C3orf49: variants seen among roughly 807,000 people sequenced by gnomAD.
C3orf49 encodes chromosome 3 open reading frame 49, also known as putative uncharacterized protein C3orf49.
In C3orf49, 27 loss-of-function variants were observed where a neutral mutation model predicts 13.3. That is an observed-to-expected ratio of 2.02 (90% CI 1.49 to 2.79). The LOEUF (loss-of-function observed/expected upper bound fraction) is 2.79. Ranked by LOEUF, C3orf49 falls within the 30% of genes most tolerant of loss-of-function variation. C3orf49 has a pLI of 0.00. For missense variants in C3orf49, 242 were observed against 134.2 expected (o/e 1.80, Z -3.97); for synonymous variants, 87 against 47.6 (o/e 1.83, Z -3.40).
chr3:63,836,267 G>T (rs1259810360), intron 5 of C3orf49: 4 of 1,601,748 alleles, frequency 2.5e-6, no homozygotes, highest in Admixed American at 1.7e-5. Context: ...ATGTATAAAG[G>T]TTAGTTCCTT....
intron 5 of C3orf49, among the ~76,000 whole-genome samples, chr3:63,839,050 C>T (rs1005258939): frequency 1.3e-5 from 2 of 152,082 alleles, no homozygotes; most frequent in Non-Finnish European, 2.9e-5. Context: ...ATTAGTCAGT[C>T]ATGGTGTTGC....
At chr3:63,844,164 T>TA (rs1701835856) in intron 5 of C3orf49, among the ~76,000 whole-genome samples, 1 of 151,940 alleles carries the variant, frequency 6.6e-6, no homozygotes, top group African/African-American at 2.4e-5. Flanking sequence ...CTCACAGAAA[T>TA]AGAGAGTATA....
At chr3:63,817,005 C>T (rs1298088777), upstream of C3orf49, among the ~76,000 whole-genome samples, 1 of 151,874 alleles carries the variant, frequency 6.6e-6, no homozygotes, top group Admixed American at 6.6e-5. Flanking sequence ...CGATCTCCTG[C>T]TCTCGTGATC....
intron 6 of C3orf49, among the ~76,000 whole-genome samples, chr3:63,846,460 T>G (rs1365019454): frequency 1.3e-5 from 2 of 152,104 alleles, no homozygotes; most frequent in Admixed American, 1.3e-4. Flanking sequence ...CAGGCTGGAG[T>G]GCAAGGGCGC....
chr3:63,802,892 A>T, the C3orf49 span, among the ~76,000 whole-genome samples: 1 of 152,160 alleles, frequency 6.6e-6, no homozygotes, highest in African/African-American at 2.4e-5. Context: ...ACACACACAC[A>T]TACACAGACA....
chr3:63,805,703 G>A, the C3orf49 span, among the ~76,000 whole-genome samples: 1 of 152,190 alleles, frequency 6.6e-6, no homozygotes, highest in African/African-American at 2.4e-5. Context: ...CTTATAAAAC[G>A]AGCAGTAAGC....
chr3:63,807,108 C>T, the C3orf49 span, among the ~76,000 whole-genome samples: 21 of 152,096 alleles, frequency 1.4e-4, 1 homozygote, highest in South Asian at 4.2e-4. Flanking sequence ...CCCACCACCA[C>T]GCCCGGCTAA....
chr3:63,791,018 C>A, the C3orf49 span, among the ~76,000 whole-genome samples: 1 of 152,120 alleles, frequency 6.6e-6, no homozygotes, highest in Admixed American at 6.6e-5. Context: ...CTTTCATATT[C>A]ATTGAGTGGT....
the C3orf49 span, among the ~76,000 whole-genome samples, chr3:63,783,725 AATT>A: frequency 4.3e-3 from 648 of 150,202 alleles, 2 homozygotes; most frequent in African/African-American, 0.015. Flanking sequence ...CTCAAAAAAA[AATT>A]AAATTAATTA....
the C3orf49 span, among the ~76,000 whole-genome samples, chr3:63,796,085 A>G: frequency 6.3e-3 from 961 of 152,290 alleles, 5 homozygotes; most frequent in Non-Finnish European, 7.7e-3. Context: ...AGTGGTGGGT[A>G]TATGGGTGTT....
chr3:63,805,797 A>C, the C3orf49 span, among the ~76,000 whole-genome samples: 5 of 152,186 alleles, frequency 3.3e-5, no homozygotes, highest in African/African-American at 7.2e-5. Flanking sequence ...AGAGGGAAAT[A>C]GTATCTCTAT....
At chr3:63,823,692 G>C in intron 2 of C3orf49, 123 bp downstream of exon 2, 4 of 607,242 alleles carry the variant, frequency 6.6e-6, no homozygotes, top group Non-Finnish European at 1.2e-5. Flanking sequence ...CAGAATCTCA[G>C]GCCCTACCTG....
In C3orf49 at chr3:63,823,357, A is replaced by T; in HGVS notation, c.233A>T (p.Gln78Leu). 1.4e-6 allele frequency: 1 copy of T among 703,290 alleles called. No individual in the cohort carries two copies. Among genetic ancestry groups the T allele is most frequent in the Non-Finnish European group, 2.6e-6 (1 of 385,070 alleles). 43.6% of individuals were successfully genotyped at this position (703,290 alleles called of 1,614,324 possible). A position where few individuals can be genotyped will look rare whatever the true frequency, so the allele number is the denominator to read the frequency against. The change falls in exon 2 of 7, where the codon CAG becomes CTG. Residue 78 changes from glutamine to leucine, a missense_variant. Transcript: ENST00000295896. ...DMGFHESQQN[Q>L]KSNLKTKVKT... ...GGATTTCATGAAAGCCAGCAAAATC[A>T]GAAAAGTAATTTGAAGACGAAAGTG...
chr3:63,815,596 T>C (rs1333630281), upstream of C3orf49, among the ~76,000 whole-genome samples: 1 of 152,160 alleles, frequency 6.6e-6, no homozygotes, highest in African/African-American at 2.4e-5. Context: ...GTCTTTGAAA[T>C]ACCTCTCCCA....
chr3:63,798,361 T>C, the C3orf49 span, among the ~76,000 whole-genome samples: 3 of 152,178 alleles, frequency 2.0e-5, no homozygotes, highest in African/African-American at 7.2e-5. Flanking sequence ...ACTCCACTAC[T>C]TACTGTTGAG....
the C3orf49 span, chr3:63,779,787 G>A: frequency 2.6e-5 from 4 of 152,214 alleles, no homozygotes; most frequent in South Asian, 4.2e-4. Flanking sequence ...AATAGCATAC[G>A]GTAGGATATA....
the C3orf49 span, among the ~76,000 whole-genome samples, chr3:63,802,108 C>T: frequency 2.0e-5 from 3 of 152,136 alleles, no homozygotes; most frequent in African/African-American, 7.2e-5. Context: ...CCTATGCAAC[C>T]CCACTTATGT....
At chr3:63,803,411 G>T in the C3orf49 span, among the ~76,000 whole-genome samples, 1 of 152,228 alleles carries the variant, frequency 6.6e-6, no homozygotes, top group Admixed American at 6.5e-5. Flanking sequence ...TCCTCCTTTT[G>T]CCCAGAGAAG....
the C3orf49 span, among the ~76,000 whole-genome samples, chr3:63,812,262 A>G: frequency 6.6e-6 from 1 of 152,248 alleles, no homozygotes; most frequent in Non-Finnish European, 1.5e-5. Context: ...ATGCACTAAC[A>G]AAAATGATGG....
Sources: allele counts gnomAD v4.1 joint callset (sites outside exome capture counted in the v4.1 genomes callset), GRCh38; gene constraint gnomAD v4.1.1; transcripts MANE v1.5; gene names NCBI Gene and HGNC (gene_info 2026-07-23, HGNC 2026-07-21).